BCAS3: variants seen among roughly 807,000 people sequenced by gnomAD.
The protein encoded by BCAS3 is BCAS4/BCAS3 fusion.
A neutral mutation model predicts 116.1 loss-of-function variants in BCAS3; 53 were observed. That is an observed-to-expected ratio of 0.46 (90% CI 0.37 to 0.57). The LOEUF (loss-of-function observed/expected upper bound fraction) is 0.57, where lower values mean the gene tolerates loss of function less well. BCAS3 is among the 20% of genes least tolerant of loss of function. The pLI is 0.00. For synonymous variants in BCAS3, 391 were observed against 408.2 expected, an observed-to-expected ratio of 0.96 and a Z score of 0.51; for missense variants, 917 against 1,165.4, an observed-to-expected ratio of 0.79 and a Z score of 3.10.
intron 6 of BCAS3, among the ~76,000 whole-genome samples, chr17:60,792,404 C>A (rs1302358289): frequency 6.6e-6 from 1 of 152,230 alleles, no homozygotes. Flanking sequence ...CTTACACATG[C>A]CTCACCACTC....
chr17:61,252,883 T>TC, intron 22 of BCAS3, among the ~76,000 whole-genome samples: 1 of 146,142 alleles, frequency 6.8e-6, no homozygotes, highest in East Asian at 2.0e-4. Context: ...TCCTATACAT[T>TC]TTTTTTTTTT....
intron 19 of BCAS3, among the ~76,000 whole-genome samples, chr17:61,058,619 G>A (rs1421876094): frequency 6.6e-6 from 1 of 152,128 alleles, no homozygotes; most frequent in East Asian, 1.9e-4. Context: ...ATGTAAAGTA[G>A]CACTTTGATT....
intron 22 of BCAS3, among the ~76,000 whole-genome samples, chr17:61,306,755 C>T (rs2053889282): frequency 6.6e-6 from 1 of 152,116 alleles, no homozygotes; most frequent in African/African-American, 2.4e-5. Flanking sequence ...GATTGCACCA[C>T]TGCACTCCAG....
At chr17:60,882,883 C>T (rs200896523) in intron 9 of BCAS3, among the ~76,000 whole-genome samples, 3,598 of 129,954 alleles carry the variant, frequency 0.028, 142 homozygotes, top group African/African-American at 0.087. Context: ...TGTGATGCCT[C>T]CAGCTTTGTT....
intron 9 of BCAS3, among the ~76,000 whole-genome samples, chr17:60,875,079 A>T (rs535893979): frequency 6.6e-6 from 1 of 152,240 alleles, no homozygotes; most frequent in East Asian, 1.9e-4. Flanking sequence ...TTTATACATT[A>T]TACCTTTACA....
intron 4 of BCAS3, among the ~76,000 whole-genome samples, chr17:60,706,245 G>T (rs1030258692): frequency 8.6e-5 from 13 of 151,902 alleles, no homozygotes; most frequent in African/African-American, 3.1e-4. Context: ...TGTATTTTTA[G>T]TAGAGATGGG....
Position 61,349,558 on chromosome 17 carries a change from A to G in BCAS3, c.2426-18769A>G, listed in dbSNP as rs1026581819. On this transcript the variant is annotated intron_variant, in intron 22 of 23. Transcript: ENST00000407086. The surrounding 1 kb of genome is among the most constrained non-coding windows in gnomAD (Gnocchi z 4.7). ...AGAGCCCCTCACTGCCCCCTGGTGT[A>G]GACAGTCTGATTGCCTACTCCATTT... Among the ~76,000 whole-genome samples, 6 of 152,206 alleles carry G rather than the reference A, an allele frequency of 3.9e-5. No homozygotes were observed. The highest frequency in any genetic ancestry group is 1.2e-4 in the African/African-American group (5 of 41,456).
intron 22 of BCAS3, among the ~76,000 whole-genome samples, chr17:61,277,708 G>A (rs976602159): frequency 6.6e-6 from 1 of 152,094 alleles, no homozygotes; most frequent in African/African-American, 2.4e-5. Context: ...GTTCTTCAAA[G>A]AAGATACACA....
At chr17:60,721,943 G>C (rs78494900) in intron 5 of BCAS3, among the ~76,000 whole-genome samples, 4,097 of 152,136 alleles carry the variant, frequency 0.027, 80 homozygotes, top group Non-Finnish European at 0.041. Flanking sequence ...GAATGTCTAA[G>C]AAATATGGTC....
intron 15 of BCAS3, among the ~76,000 whole-genome samples, chr17:60,996,043 TAA>T (rs1316816231): frequency 6.6e-6 from 1 of 152,054 alleles, no homozygotes; most frequent in East Asian, 1.9e-4. Context: ...CAAGGAATGA[TAA>T]AGAGACCAGT....
intron 22 of BCAS3, among the ~76,000 whole-genome samples, chr17:61,266,665 A>T (rs765044104): frequency 6.6e-6 from 1 of 152,206 alleles, no homozygotes; most frequent in Non-Finnish European, 1.5e-5. Flanking sequence ...ATATTTAGGA[A>T]ATCTTTAAAA....
chr17:60,771,173 T>C (rs2044666068), intron 6 of BCAS3, among the ~76,000 whole-genome samples: 2 of 152,290 alleles, frequency 1.3e-5, no homozygotes, highest in Admixed American at 1.3e-4. Context: ...AGTATATGGT[T>C]TTTACATTAC....
chr17:60,736,912 C>G (rs1568134133), intron 5 of BCAS3, among the ~76,000 whole-genome samples: 1 of 128,578 alleles, frequency 7.8e-6, no homozygotes, highest in Non-Finnish European at 1.6e-5. Context: ...CTCCCTTCCT[C>G]CCTTCCTCCC....
intron 22 of BCAS3, among the ~76,000 whole-genome samples, chr17:61,298,707 T>G (rs1480629973): frequency 6.6e-6 from 1 of 152,080 alleles, no homozygotes; most frequent in Non-Finnish European, 1.5e-5. Flanking sequence ...ACCTTTTCAG[T>G]CATCCTTCTC....
At chr17:61,016,042 G>A in intron 16 of BCAS3, 141 bp downstream of exon 16, 2 of 899,846 alleles carry the variant, frequency 2.2e-6, no homozygotes, top group East Asian at 5.1e-5. Context: ...ATCAGATTAA[G>A]TACAAAGCAT....
intron 22 of BCAS3, among the ~76,000 whole-genome samples, chr17:61,120,578 A>G (rs1365289408): frequency 1.3e-5 from 2 of 152,132 alleles, no homozygotes; most frequent in Non-Finnish European, 2.9e-5. Flanking sequence ...AAAATCAGGT[A>G]GTTTTGACAC....
chr17:60,769,963 C>G (rs9896811), intron 6 of BCAS3, among the ~76,000 whole-genome samples: 41,482 of 151,562 alleles, frequency 0.27, 11,349 homozygotes, highest in African/African-American at 0.71. Context: ...TTAGTAGAGA[C>G]AGGGTTTCAC....
At chr17:60,893,600 CTTTTTTTTTTTT>C (rs930873750) in intron 10 of BCAS3, among the ~76,000 whole-genome samples, 7 of 82,054 alleles carry the variant, frequency 8.5e-5, no homozygotes, top group Admixed American at 1.4e-4. Flanking sequence ...GACCTATGAT[CTTTTTTTTTTTT>C]TTTTTTTTTT....
chr17:61,030,938 C>T (rs559503983), intron 16 of BCAS3, among the ~76,000 whole-genome samples: 9 of 151,480 alleles, frequency 5.9e-5, no homozygotes, highest in African/African-American at 2.2e-4. Context: ...ATGTCTTGTT[C>T]TCATGTATAA....
Sources: gnomAD v4.1 joint callset for allele counts (sites outside exome capture counted in the v4.1 genomes callset) on GRCh38, gnomAD v4.1.1 for gene constraint, Gnocchi (gnomAD v3.1) non-coding constraint, MANE v1.5 for transcripts, NCBI Gene and HGNC (gene_info 2026-07-23, HGNC 2026-07-21) for gene names.